ABCA7: variants seen among roughly 807,000 people sequenced by gnomAD.
The protein encoded by ABCA7 is phospholipid-transporting ATPase ABCA7.
In ABCA7, 261 loss-of-function variants were observed where a neutral mutation model predicts 227.6. The ratio of observed to expected loss-of-function variants is 1.15; its 90% confidence interval spans 1.04 to 1.27. The LOEUF (loss-of-function observed/expected upper bound fraction) is 1.27, where lower values mean the gene tolerates loss of function less well. ABCA7 is among the 50% of genes most tolerant of loss of function. The pLI, the probability that ABCA7 is intolerant of heterozygous loss-of-function variation, is 0.00. For synonymous variants in ABCA7, 1,488 were observed against 1,279.7 expected, an observed-to-expected ratio of 1.16 and a Z score of -3.47; for missense variants, 3,331 against 2,924.5, an observed-to-expected ratio of 1.14 and a Z score of -3.21.
intron 16 of ABCA7, among the ~76,000 whole-genome samples, chr19:1,048,101 G>A (rs558112437): frequency 3.9e-5 from 6 of 152,162 alleles, no homozygotes; most frequent in Middle Eastern, 6.8e-3. Context: ...GGGAGGATGG[G>A]GTGGGAGGAT....
At position 1,043,153 on chromosome 19, in the gene ABCA7, G is replaced by C. The variant is rs150820818; in HGVS notation, c.692G>C (p.Ser231Thr). The change falls in exon 8 of 47, where the codon AGC becomes ACC. Residue 231 changes from serine to threonine, a missense_variant. Transcript: ENST00000263094. Reference protein sequence around the residue: ...SEALCSVRGPSSTVGPSLNWY... With the variant: ...SEALCSVRGPTSTVGPSLNWY... ...GCCCTCTGCAGTGTCAGGGGACCTA[G>C]CAGCACAGTGGGCCCCTCCCTCAAC... 1.2e-6 allele frequency: 2 copies of C among 1,612,094 alleles called. No individual in the cohort carries two copies. The highest frequency in any genetic ancestry group is 3.3e-5 in the Admixed American group (2 of 59,996).
In ABCA7 at chr19:1,053,484, G is replaced by T; in HGVS notation, c.3376G>T (p.Glu1126Ter). 1 of 1,587,072 alleles carries T rather than the reference G, an allele frequency of 6.3e-7. No homozygotes were observed. The highest frequency in any genetic ancestry group is 8.5e-7 in the Non-Finnish European group (1 of 1,170,082). Residue 1126 changes from glutamate to a stop codon, truncating the protein, a stop_gained, in exon 24 of 47, where the codon GAG becomes TAG. Transcript: ENST00000263094. LOFTEE classifies it high-confidence loss of function. ...LFRELDTRLAELRLTGYGISD... is the reference protein window; with the variant it reads ...LFRELDTRLA ...CCGAGAGCTAGACACGCGGCTGGCG[G>T]AGCTGAGGCTCACTGGCTACGGGAT...
At chr19:1,062,648 C>G (rs747820610) in intron 42 of ABCA7, among the ~76,000 whole-genome samples, 5 of 152,028 alleles carry the variant, frequency 3.3e-5, no homozygotes, top group Non-Finnish European at 5.9e-5. Flanking sequence ...GGCTTCGCGC[C>G]TTTCTCGCTG....
intron 46 of ABCA7, 34 bp downstream of exon 46, chr19:1,065,205 C>A (rs371961358): frequency 1.9e-6 from 3 of 1,596,500 alleles, no homozygotes; most frequent in Admixed American, 3.4e-5. Flanking sequence ...CTGGGGGAGG[C>A]AGGCTGGGGG....
At position 1,056,080 on chromosome 19, in the gene ABCA7, C is replaced by T. The variant is rs202174638; in HGVS notation, c.4253C>T (p.Ser1418Leu). The change falls in exon 32 of 47, where the codon TCG becomes TTG. Residue 1418 changes from serine (S) to leucine (L), a missense_variant. Coordinates refer to ENST00000263094, the MANE Select transcript of ABCA7 (RefSeq NM_019112.4). The surrounding 1 kb of genome is among the most constrained non-coding windows in gnomAD (Gnocchi z 4.3). Reference protein sequence around the residue: ...WVNEVRYGGFSLGGRDPGLPS... With the variant: ...WVNEVRYGGFLLGGRDPGLPS... ...TGGCCCCACAGATACGGAGGCTTCTCGCTGGGGGGCCGAGACCCAGGCCTG... is the reference window on the plus strand; with the variant it reads ...TGGCCCCACAGATACGGAGGCTTCTTGCTGGGGGGCCGAGACCCAGGCCTG... 2.9e-5 allele frequency: 47 copies of T among 1,593,692 alleles called. No homozygotes were observed. Among genetic ancestry groups the T allele is most frequent in the East Asian group, 1.3e-4 (6 of 44,610 alleles).
At position 1,058,895 on chromosome 19, in the gene ABCA7, A is replaced by C; in HGVS notation, c.5355A>C (p.Gln1785His). ...DVARERERVV[Q>H]GATQGDVLVL... ...CCCGTGAACGGGAGCGGGTGGTCCAAGGAGCCACCCAGGGGGATGTGTTGG... is the reference window on the plus strand; with the variant it reads ...CCCGTGAACGGGAGCGGGTGGTCCACGGAGCCACCCAGGGGGATGTGTTGG... The change falls in exon 39 of 47, where the codon CAA becomes CAC. Residue 1785 changes from glutamine to histidine, a missense_variant. Gln to His is a conservative substitution (Grantham distance 24). Transcript: ENST00000263094. 1 of 1,586,736 alleles carries C rather than the reference A, an allele frequency of 6.3e-7. No homozygotes were observed. The highest frequency in any genetic ancestry group is 1.3e-5 in the African/African-American group (1 of 74,652).
In ABCA7 at chr19:1,055,203, C is replaced by G; in HGVS notation, c.4057C>G (p.Arg1353Gly). The change falls in exon 30 of 47, where the codon CGG (arginine) becomes GGG (glycine). Residue 1353 changes from arginine to glycine, a missense_variant. Transcript: ENST00000263094. ...PACQCSRPGA[R>G]RLLPDCPAAA... ...CTGCCAGTGTAGCCGGCCCGGTGCC[C>G]GGCGCCTGCTGCCCGACTGCCCGGC... 1 of 1,610,688 alleles carries G rather than the reference C, an allele frequency of 6.2e-7. No individual in the cohort carries two copies. Among genetic ancestry groups the G allele is most frequent in the African/African-American group, 1.3e-5 (1 of 74,966 alleles).
At chr19:1,044,448 A>G in intron 10 of ABCA7, 129 bp from the exon 11 acceptor site, 1 of 1,084,020 alleles carries the variant, frequency 9.2e-7, no homozygotes, top group African/African-American at 1.6e-5. Flanking sequence ...GGCTTTCACC[A>G]TGTTGGCCAG....
intron 10 of ABCA7, 96 bp downstream of exon 10, chr19:1,043,937 CTTTT>C (rs374000299): frequency 1.0e-3 from 668 of 664,302 alleles, no homozygotes; most frequent in African/African-American, 1.9e-3. Context: ...CAGACCCCCA[CTTTT>C]TTTTTTTTTT....
intron 10 of ABCA7, 66 bp downstream of exon 10, chr19:1,043,907 A>T: frequency 1.5e-4 from 183 of 1,254,388 alleles, no homozygotes; most frequent in Non-Finnish European, 1.9e-4. Flanking sequence ...GGCCCGGTGG[A>T]TGGGAAGGTG....
At chr19:1,053,142 C>T (rs148302690) in intron 23 of ABCA7, among the ~76,000 whole-genome samples, 187 bp from the exon 24 acceptor site, 1 of 152,228 alleles carries the variant, frequency 6.6e-6, no homozygotes, top group Non-Finnish European at 1.5e-5. Context: ...GATCTGCCTG[C>T]TTCAACCCTC....
Position 1,055,921 on chromosome 19 carries a change from A to G in ABCA7, c.4220A>G (p.Lys1407Arg), listed in dbSNP as rs149196228. The change falls in exon 31 of 47, where the codon AAG becomes AGG. Residue 1407 changes from lysine (K) to arginine (R), a missense_variant. Lys to Arg is a conservative substitution (Grantham distance 26). Transcript: ENST00000263094. ...CTCTCCCACAGCCTGAAGACTAAGA[A>G]GTGGGTGAATGAGGTCAGGTGAGGA... ...RLVRQGLKTK[K>R]WVNEVRYGGF... is the part of the protein sequence containing the mutation. 208 of 1,595,074 alleles carry G rather than the reference A, an allele frequency of 1.3e-4. 2 individuals carry two copies. In the African/African-American group the frequency reaches 2.7e-3, roughly 20 times the overall value.
rs543431364 is a variant in ABCA7, at chr19:1,042,559, G to A, written c.498+162G>A. ...GTCCGTCTGGGCCCCCAGACAGAGT[G>A]TGTCTGACCCAGTGAGGAAGACTCG... is the stretch of plus-strand genomic sequence containing the variant. On this transcript the variant is annotated intron_variant, in intron 6 of 46. Transcript: ENST00000263094. 1.9e-5 allele frequency: 20 copies of A among 1,047,590 alleles called. No individual in the cohort carries two copies. The African/African-American group carries it at 2.8e-4, about 15-fold the overall frequency. The allele number at this position is 1,047,590 out of a possible 1,614,324, so 64.9% of individuals were successfully genotyped here.
At chr19:1,045,288 G>T (rs1023062892) in intron 12 of ABCA7, 57 bp downstream of exon 12, 2 of 1,475,288 alleles carry the variant, frequency 1.4e-6, no homozygotes, top group Non-Finnish European at 1.8e-6. Flanking sequence ...AGAGCGTGGT[G>T]GGTGGGGCCA....
chr19:1,046,131 C>T (rs1599581285), intron 12 of ABCA7, 99 bp from the exon 13 acceptor site: 3 of 1,358,106 alleles, frequency 2.2e-6, no homozygotes, highest in East Asian at 4.7e-5. Flanking sequence ...CCAGCCTGGG[C>T]GACAGAGCAA....
In ABCA7 at chr19:1,056,046, C is replaced by G. The variant is rs371323175; in HGVS notation, c.4239-20C>G. 2,411 of 1,567,736 alleles carry G rather than the reference C, an allele frequency of 1.5e-3. 1 individual carries two copies. The highest frequency in any genetic ancestry group is 1.9e-3 in the Non-Finnish European group (2,137 of 1,152,758). On this transcript the variant is annotated intron_variant, in intron 31 of 46. Transcript: ENST00000263094. This position sits in a 1 kb window ranked among gnomAD's most constrained non-coding sequence, Gnocchi z 4.3. ...CCCCCCGGCCCTCAGCTCCCCTTCC[C>G]TGCCTGCATGGCCCCACAGATACGG...
At chr19:1,058,334 T>C in intron 37 of ABCA7, 65 bp downstream of exon 37, 1 of 1,590,692 alleles carries the variant, frequency 6.3e-7, no homozygotes, top group South Asian at 1.1e-5. Context: ...GACCTAGAGT[T>C]AATTATACAG....
chr19:1,045,922 G>C (rs1230578885), intron 12 of ABCA7, among the ~76,000 whole-genome samples: 1 of 152,198 alleles, frequency 6.6e-6, no homozygotes, highest in East Asian at 1.9e-4. Flanking sequence ...CAGGAGAATC[G>C]CTTGAACCCA....
chr19:1,048,280 C>T (rs2040925583), intron 16 of ABCA7, among the ~76,000 whole-genome samples: 1 of 146,674 alleles, frequency 6.8e-6, no homozygotes, highest in South Asian at 2.2e-4. Flanking sequence ...GGCGGGTCAT[C>T]TGAGGTCGGG....
Sources: gnomAD v4.1 joint callset for allele counts (sites outside exome capture counted in the v4.1 genomes callset) on GRCh38, gnomAD v4.1.1 for gene constraint, Gnocchi (gnomAD v3.1) non-coding constraint, MANE v1.5 for transcripts, NCBI Gene and HGNC (gene_info 2026-07-23, HGNC 2026-07-21) for gene names.